The following ZNF577 variants were observed in gnomAD, a reference collection of about 807,000 sequenced individuals.
The protein encoded by ZNF577 is zinc finger protein 577.
ZNF577 carries 14 observed loss-of-function variants against 13.9 expected under a neutral mutation model. The ratio of observed to expected loss-of-function variants is 1.00; its 90% CI spans 0.66 to 1.57. ZNF577 has a LOEUF of 1.57. Ranked by LOEUF, ZNF577 falls within the 40% of genes most tolerant of loss-of-function variation. The pLI is 0.00. For synonymous variants in ZNF577, 203 were observed against 202.9 expected (o/e 1.00, Z 0.00); for missense variants, 555 against 579.2 (o/e 0.96, Z 0.43).
chr19:51,832,902 A>G (rs1159876822), intron 9 of ZNF577, among the ~76,000 whole-genome samples: 4 of 152,210 alleles, frequency 2.6e-5, no homozygotes, highest in Non-Finnish European at 4.4e-5. Flanking sequence ...CGTTTAGCCA[A>G]TATCACACTG....
At chr19:51,859,735 A>G (rs2084476659) in intron 5 of ZNF577, among the ~76,000 whole-genome samples, 2 of 152,160 alleles carry the variant, frequency 1.3e-5, no homozygotes, top group Non-Finnish European at 2.9e-5. Context: ...TGAGTCAAAT[A>G]TGTATTACAA....
intron 9 of ZNF577, among the ~76,000 whole-genome samples, chr19:51,813,280 T>A (rs890660317): frequency 6.6e-6 from 1 of 152,220 alleles, no homozygotes; most frequent in South Asian, 2.1e-4. Context: ...AGTCCTCACA[T>A]GGTAAAAGGG....
intron 5 of ZNF577, among the ~76,000 whole-genome samples, chr19:51,848,927 C>T (rs1160889214): frequency 1.3e-5 from 2 of 151,758 alleles, no homozygotes; most frequent in African/African-American, 4.9e-5. Flanking sequence ...GATTATATTG[C>T]CTTTAGATAA....
chr19:51,846,888 T>G (rs1168649556), intron 5 of ZNF577, among the ~76,000 whole-genome samples: 1 of 152,204 alleles, frequency 6.6e-6, no homozygotes, highest in Non-Finnish European at 1.5e-5. Flanking sequence ...CCACTCAGTC[T>G]ATGGTATTTT....
chr19:51,846,513 G>A (rs929154743), intron 5 of ZNF577, among the ~76,000 whole-genome samples: 1 of 152,092 alleles, frequency 6.6e-6, no homozygotes, highest in Non-Finnish European at 1.5e-5. Context: ...TTTGAGACCA[G>A]CCTGGCCAAT....
At chr19:51,818,835 T>C (rs1327469415) in intron 9 of ZNF577, among the ~76,000 whole-genome samples, 1 of 152,092 alleles carries the variant, frequency 6.6e-6, no homozygotes, top group Admixed American at 6.6e-5. Context: ...GAGTTAGAAA[T>C]GTGGAAGCCA....
chr19:51,873,105 A>G lies in ZNF577; in HGVS notation c.885T>C (p.Asp295=). ...CACAATCACTGCATTTATAAGGCTT[A>G]TCTCCTGTGTGAAGTCTCTGGTGTG... ...LTAHQRLHTG[D]KPYKCSDCGR... Residue 295 remains aspartate (D), a synonymous_variant, in exon 6 of 6, where the codon GAT becomes GAC. Coordinates refer to ENST00000638348, the MANE Select transcript of ZNF577 (RefSeq NM_001370449.1). The G allele has an allele frequency of 6.2e-7, 1 of 1,614,226 alleles. No individual in the cohort carries two copies. Among genetic ancestry groups the G allele is most frequent in the Admixed American group, 1.7e-5 (1 of 60,028 alleles).
At position 51,870,629 on chromosome 19, in the gene ZNF577, C is replaced by A. The variant is rs1322590671; in HGVS notation, c.*1903G>T. The stretch of plus-strand genomic sequence containing the variant: ...CAGCCTAGGGGGGGTTTCTCACATA[C>A]ATATGCTGATTATGACTCAAAAGGC... On this transcript the variant is annotated 3_prime_UTR_variant, in exon 6 of 6. Coordinates refer to ENST00000638348, the MANE Select transcript of ZNF577 (RefSeq NM_001370449.1). Among the ~76,000 whole-genome samples, 1 of 152,164 alleles carries A rather than the reference C, an allele frequency of 6.6e-6. No homozygotes were observed. The highest frequency in any genetic ancestry group is 1.5e-5 in the Non-Finnish European group (1 of 68,046).
rs780570559 is a variant in ZNF577, at chr19:51,873,478, G to C, written c.512C>G (p.Ala171Gly). ...AGTTCTCTGATGTTGAATAAGCTGTGCTTTCCTGGAGAAGGCTCTCCCGCA... is the reference window on the plus strand; with the variant it reads ...AGTTCTCTGATGTTGAATAAGCTGTCCTTTCCTGGAGAAGGCTCTCCCGCA... ...SVCGRAFSRKAQLIQHQRTER... is the reference protein window; with the variant it reads ...SVCGRAFSRKGQLIQHQRTER... Residue 171 changes from alanine (A) to glycine (G), a missense_variant, in exon 6 of 6, where the codon GCA (alanine) becomes GGA (glycine). Coordinates refer to ENST00000638348, the MANE Select transcript of ZNF577 (RefSeq NM_001370449.1). 6.2e-7 allele frequency: 1 copy of C among 1,614,190 alleles called. No homozygotes were observed. Among genetic ancestry groups the C allele is most frequent in the Non-Finnish European group, 8.5e-7 (1 of 1,180,038 alleles).
intron 9 of ZNF577, among the ~76,000 whole-genome samples, chr19:51,829,226 A>G (rs57262511): frequency 0.095 from 14,451 of 152,178 alleles, 728 homozygotes; most frequent in South Asian, 0.15. Context: ...GGCAGCTCAC[A>G]GACACCGAGG....
chr19:51,815,252 T>G (rs2084126809), intron 9 of ZNF577, among the ~76,000 whole-genome samples: 1 of 152,088 alleles, frequency 6.6e-6, no homozygotes, highest in Non-Finnish European at 1.5e-5. Context: ...AAGTGGGGAC[T>G]GGAGATTGAG....
At chr19:51,809,511 T>A (rs1390911706) in intron 10 of ZNF577, among the ~76,000 whole-genome samples, 1 of 152,206 alleles carries the variant, frequency 6.6e-6, no homozygotes, top group Non-Finnish European at 1.5e-5. Context: ...TTCTCATTTC[T>A]CCTTTCATGG....
Position 51,824,135 on chromosome 19 carries a change from T to G in ZNF577, c.*600-12461A>C, listed in dbSNP as rs376730924. 2.3e-5 allele frequency: 37 copies of G among 1,613,850 alleles called. No individual in the cohort carries two copies. The African/African-American group carries it at 4.7e-4, about 20-fold the overall frequency. ...TGGACCGCTGTATTTGTGTCCTGCA[T>G]CCAGCCTGGGCCCAGAACCATCGCA... On this transcript the variant is annotated intron_variant and NMD_transcript_variant, in intron 9 of 10. Coordinates refer to the ZNF577 transcript ENST00000638827. This position sits in a 1 kb window ranked among gnomAD's most constrained non-coding sequence, Gnocchi z 4.7.
rs2084615499 is a variant in ZNF577 at position 51,869,231 on chromosome 19, C to T, written c.*3301G>A. On this transcript the variant is annotated 3_prime_UTR_variant, in exon 6 of 6. Transcript: ENST00000638348. ...TTGCTCGTCCCTGGGAATGGAATGT[C>T]TTGGTGTGAAACCCAATCGTACATT... is the stretch of plus-strand genomic sequence containing the variant. Among the ~76,000 whole-genome samples, 3 of 152,198 alleles carry T rather than the reference C, an allele frequency of 2.0e-5. No individual in the cohort carries two copies. In the South Asian group the frequency reaches 6.2e-4, roughly 32 times the overall value.
At chr19:51,812,242 G>A (rs2122450540) in intron 9 of ZNF577, among the ~76,000 whole-genome samples, 1 of 152,278 alleles carries the variant, frequency 6.6e-6, no homozygotes, top group South Asian at 2.1e-4. Flanking sequence ...CCAACGTAGG[G>A]TGAAATAATG....
At chr19:51,857,750 A>G (rs1400212736) in intron 5 of ZNF577, among the ~76,000 whole-genome samples, 2 of 151,264 alleles carry the variant, frequency 1.3e-5, no homozygotes, top group South Asian at 2.1e-4. Context: ...AGATACATAT[A>G]TATCTGTACA....
rs181900486 is a variant in ZNF577, at chr19:51,826,511, T to C, written c.*599+13382A>G. Reference sequence around the variant, plus strand: ...AGTTTTCTTTTTCACATTGTTCACTTTTGGTAAACTGTGATTTTCAAATTC... The same window carrying C: ...AGTTTTCTTTTTCACATTGTTCACTCTTGGTAAACTGTGATTTTCAAATTC... On this transcript the variant is annotated intron_variant and NMD_transcript_variant, in intron 9 of 10. Transcript: ENST00000638827. 3.4e-3 allele frequency among the ~76,000 whole-genome samples: 517 copies of C among 152,324 alleles called. 1 individual carries two copies. The highest frequency in any genetic ancestry group is 0.012 in the African/African-American group (497 of 41,574).
At chr19:51,808,000 T>C (rs964338029) in intron 10 of ZNF577, among the ~76,000 whole-genome samples, 6 of 152,228 alleles carry the variant, frequency 3.9e-5, no homozygotes, top group African/African-American at 1.4e-4. Context: ...AAAAGTCCTG[T>C]TGGAGAGTAG....
At chr19:51,856,874 G>T (rs1035470977) in intron 5 of ZNF577, among the ~76,000 whole-genome samples, 1 of 152,158 alleles carries the variant, frequency 6.6e-6, no homozygotes, top group Non-Finnish European at 1.5e-5. Flanking sequence ...AAAACGAAAT[G>T]AAAGTACTTC....
Sources: gnomAD v4.1 joint callset for allele counts (sites outside exome capture counted in the v4.1 genomes callset) on GRCh38, gnomAD v4.1.1 for gene constraint, Gnocchi (gnomAD v3.1) non-coding constraint, MANE v1.5 for transcripts, NCBI Gene and HGNC (gene_info 2026-07-23, HGNC 2026-07-21) for gene names.